The following ITGA5 variants were observed in gnomAD, a reference collection of about 807,000 sequenced individuals.
The protein encoded by ITGA5 is integrin subunit alpha 5, also known as integrin alpha-5.
In ITGA5, 55 loss-of-function variants were observed where a neutral mutation model predicts 146.3. The observed-to-expected ratio is 0.38, with a 90% CI of 0.30 to 0.47. The LOEUF (loss-of-function observed/expected upper bound fraction) is 0.47, where lower values mean the gene tolerates loss of function less well. Among genes scored for constraint, ITGA5 ranks in the 20% least tolerant of loss-of-function variants. ITGA5 has a pLI of 0.99. For synonymous variants in ITGA5, 500 were observed against 531.8 expected, an observed-to-expected ratio of 0.94 and a Z score of 0.82; for missense variants, 1,131 against 1,329.0, an observed-to-expected ratio of 0.85 and a Z score of 2.32.
rs1260111085 is a variant in ITGA5 at position 54,404,871 on chromosome 12, C to A, written c.1249G>T (p.Gly417Cys). ...ACTACTCCCTGCTGGGTCTCCCCACCAAAGGGAGCCCCGATGGCCACATCT... is the reference window on the plus strand; with the variant it reads ...ACTACTCCCTGCTGGGTCTCCCCACAAAAGGGAGCCCCGATGGCCACATCT... Reference protein sequence around the residue: ...YNDVAIGAPFGGETQQGVVFV... With the variant: ...YNDVAIGAPFCGETQQGVVFV... Residue 417 changes from glycine to cysteine, a missense_variant, in exon 13 of 30, where the codon GGT becomes TGT. By Grantham distance (159) the Gly-to-Cys change is radical. Coordinates refer to ENST00000293379, the MANE Select transcript of ITGA5 (RefSeq NM_002205.5). The A allele has an allele frequency of 6.3e-7, 1 of 1,590,068 alleles. No individual in the cohort carries two copies. The highest frequency in any genetic ancestry group is 1.4e-5 in the African/African-American group (1 of 73,770).
At position 54,409,690 on chromosome 12, in the gene ITGA5, G is replaced by T. The variant is rs779732123; in HGVS notation, c.350-93C>A. ...CTCAGCCTGGGGATACCCAACAAAC[G>T]CTTCCAAGCCCTGAGACTCCATGAC... is the stretch of plus-strand genomic sequence containing the variant. On this transcript the variant is annotated intron_variant, in intron 2 of 29. Coordinates refer to ENST00000293379, the MANE Select transcript of ITGA5 (RefSeq NM_002205.5). The surrounding 1 kb of genome is among the most constrained non-coding windows in gnomAD (Gnocchi z 4.7). 3 of 739,924 alleles carry T rather than the reference G, an allele frequency of 4.1e-6. No individual in the cohort carries two copies. The highest frequency in any genetic ancestry group is 6.7e-6 in the Non-Finnish European group (3 of 447,428). 45.8% of individuals were successfully genotyped at this position (739,924 alleles called of 1,614,324 possible).
At chr12:54,400,032 C>G in intron 25 of ITGA5, 85 bp from the exon 26 acceptor site, 1 of 908,108 alleles carries the variant, frequency 1.1e-6, no homozygotes, top group Admixed American at 1.8e-5. Context: ...CAGCTTCAAC[C>G]TATTCTTTCA....
At chr12:54,407,578 A>G in intron 9 of ITGA5, 71 bp downstream of exon 9, 2 of 1,347,424 alleles carry the variant, frequency 1.5e-6, no homozygotes, top group South Asian at 2.3e-5. Context: ...GAGCCCTTGC[A>G]AACTGCCATG....
chr12:54,402,244 T>C lies in ITGA5; in HGVS notation c.2069A>G (p.Glu690Gly). 1 of 1,614,114 alleles carries C rather than the reference T, an allele frequency of 6.2e-7. No individual in the cohort carries two copies. Among genetic ancestry groups the C allele is most frequent in the Non-Finnish European group, 8.5e-7 (1 of 1,180,014 alleles). The change falls in exon 20 of 30, where the codon GAG becomes GGG. Residue 690 changes from glutamate (E) to glycine (G), a missense_variant. Transcript: ENST00000293379. ...AGGGGCGGTGACCCGAAGCTCAGCC[T>C]CATAGGCGCCACCCTCACCCACATT... is the stretch of plus-strand genomic sequence containing the variant. ...AQNVGEGGAY[E>G]AELRVTAPPE...
rs145142637 is a variant in ITGA5, at chr12:54,402,079, C to A, written c.2148G>T (p.Leu716=). ...LVRHPGNFSS[L]SCDYFAVNQS... ...GGTTCACGGCAAAGTAGTCACAGCT[C>A]AGGCTGGAGAAGTTCTGGAGATGGG... The change falls in exon 21 of 30, where the codon CTG becomes CTT. Residue 716 remains leucine, a synonymous_variant. Transcript: ENST00000293379. 4.8e-5 allele frequency: 77 copies of A among 1,614,164 alleles called. 1 individual carries two copies. In the African/African-American group the frequency reaches 9.3e-4, roughly 20 times the overall value.
Position 54,401,762 on chromosome 12 carries a change from C to T in ITGA5, c.2306+14G>A. The T allele has an allele frequency of 6.2e-7, 1 of 1,613,554 alleles. No individual in the cohort carries two copies. Among genetic ancestry groups the T allele is most frequent in the Non-Finnish European group, 8.5e-7 (1 of 1,179,474 alleles). The stretch of plus-strand genomic sequence containing the variant: ...CCCCAGCTCAGCCCCAGCCTAGACA[C>T]ACTCACTCCCTACCTGAGGATCTGG... On this transcript the variant is annotated intron_variant, in intron 22 of 29. Coordinates refer to ENST00000293379, the MANE Select transcript of ITGA5 (RefSeq NM_002205.5). This position sits in a 1 kb window ranked among gnomAD's most constrained non-coding sequence, Gnocchi z 5.0.
chr12:54,404,644 G>A (rs1955837415), intron 13 of ITGA5, 59 bp downstream of exon 13: 1 of 1,524,880 alleles, frequency 6.6e-7, no homozygotes, highest in East Asian at 2.2e-5. Context: ...GCAGAAGAGA[G>A]AGTAGGGGTC....
chr12:54,401,276 T>C lies in ITGA5; in HGVS notation c.2493+97A>G. Reference sequence around the variant, plus strand: ...ATATCACTTACTCCTCCCTCCTCTCTTTCTCTCAGTCCCTCACATGGGTTC... The same window carrying C: ...ATATCACTTACTCCTCCCTCCTCTCCTTCTCTCAGTCCCTCACATGGGTTC... On this transcript the variant is annotated intron_variant, in intron 24 of 29. Transcript: ENST00000293379. The surrounding 1 kb of genome is among the most constrained non-coding windows in gnomAD (Gnocchi z 5.0). The C allele has an allele frequency of 1.0e-6, 1 of 958,284 alleles. No individual in the cohort carries two copies. The highest frequency in any genetic ancestry group is 1.3e-5 in the South Asian group (1 of 74,844). 59.4% of individuals were successfully genotyped at this position (958,284 alleles called of 1,614,324 possible). A position where few individuals can be genotyped will look rare whatever the true frequency, so the allele number is the denominator to read the frequency against.
intron 29 of ITGA5, 86 bp from the exon 30 acceptor site, chr12:54,396,462 T>G (rs1341332284): frequency 1.6e-5 from 17 of 1,058,552 alleles, no homozygotes; most frequent in Non-Finnish European, 2.5e-5. Flanking sequence ...TAAGGAGGAC[T>G]CTAGTGCCTC....
At chr12:54,407,482 T>C in intron 9 of ITGA5, 167 bp downstream of exon 9, 1 of 667,844 alleles carries the variant, frequency 1.5e-6, no homozygotes, top group Non-Finnish European at 2.8e-6. Context: ...AGAGTATGAA[T>C]AAAGAGCAGA....
intron 1 of ITGA5, chr12:54,413,420 T>C (rs11574798): frequency 0.017 from 2,644 of 151,752 alleles, 35 homozygotes; most frequent in Non-Finnish European, 0.026. Flanking sequence ...GGAGAGCTCC[T>C]GAAGTTAGGA....
In ITGA5 at chr12:54,404,890, C is replaced by T. The variant is rs769050792; in HGVS notation, c.1230G>A (p.Val410=). The change falls in exon 13 of 30, where the codon GTG becomes GTA. Residue 410 remains valine, a synonymous_variant. Coordinates refer to ENST00000293379, the MANE Select transcript of ITGA5 (RefSeq NM_002205.5). The part of the protein sequence containing the change: ...GDLDQDGYND[V]AIGAPFGGET... ...CCCCACCAAAGGGAGCCCCGATGGC[C>T]ACATCTGGAAGACACAGAACACACA... 12 of 1,573,348 alleles carry T rather than the reference C, an allele frequency of 7.6e-6. No homozygotes were observed. The South Asian group carries it at 1.4e-4, about 19-fold the overall frequency.
rs1458847352 is a variant in ITGA5 at position 54,409,834 on chromosome 12, G to GCACGCA, written c.350-243_350-238dup. 7.2e-6 allele frequency: 3 copies of GCACGCA among 414,330 alleles called. No homozygotes were observed. The highest frequency in any genetic ancestry group is 1.3e-5 in the Non-Finnish European group (3 of 229,650). 25.7% of individuals were successfully genotyped at this position (414,330 alleles called of 1,614,324 possible). ...TACACACACACACATACATACACAC[G>GCACGCA]CACGCACACGCACACAGAACCTGGG... On this transcript the variant is annotated intron_variant, in intron 2 of 29. Transcript: ENST00000293379. The surrounding 1 kb of genome is among the most constrained non-coding windows in gnomAD (Gnocchi z 4.7).
At chr12:54,410,447 G>A (rs1323000359) in intron 2 of ITGA5, among the ~76,000 whole-genome samples, 1 of 150,696 alleles carries the variant, frequency 6.6e-6, no homozygotes, top group Non-Finnish European at 1.5e-5. Context: ...CTGGGTGCAA[G>A]TGATCCTCCC....
chr12:54,408,289 G>A (rs1955893969), intron 6 of ITGA5, 54 bp from the exon 7 acceptor site: 1 of 1,593,088 alleles, frequency 6.3e-7, no homozygotes, highest in Admixed American at 1.7e-5. Flanking sequence ...GAGGGGGCTT[G>A]GGACTCTGGG....
Position 54,403,229 on chromosome 12 carries a change from C to T in ITGA5, c.1872G>A (p.Arg624=), listed in dbSNP as rs1199212589. ...TCTTGCTCTGATAATGTAGGGCTGG[C>T]CTGAGGCCGTGGCTGTCCACTGGGG... is the stretch of plus-strand genomic sequence containing the variant. ...PQAPVDSHGL[R]PALHYQSKSR... The change falls in exon 18 of 30, where the codon AGG becomes AGA. Residue 624 remains arginine, a synonymous_variant. Coordinates refer to ENST00000293379, the MANE Select transcript of ITGA5 (RefSeq NM_002205.5). The surrounding 1 kb of genome is among the most constrained non-coding windows in gnomAD (Gnocchi z 4.9). The T allele has an allele frequency of 1.3e-6, 2 of 1,569,290 alleles. No individual in the cohort carries two copies. The highest frequency in any genetic ancestry group is 1.7e-6 in the Non-Finnish European group (2 of 1,159,222).
intron 25 of ITGA5, 21 bp from the exon 26 acceptor site, chr12:54,399,968 C>T (rs774013713): frequency 1.9e-6 from 3 of 1,584,732 alleles, no homozygotes; most frequent in East Asian, 4.5e-5. Context: ...AAGTGTTGGG[C>T]CCCTTTCCCA....
At position 54,401,754 on chromosome 12, in the gene ITGA5, C is replaced by A; in HGVS notation, c.2306+22G>T. The A allele has an allele frequency of 5.0e-6, 8 of 1,613,410 alleles. No individual in the cohort carries two copies. The highest frequency in any genetic ancestry group is 6.8e-6 in the Non-Finnish European group (8 of 1,179,350). The stretch of plus-strand genomic sequence containing the variant: ...CCTTCCGTCCCCAGCTCAGCCCCAG[C>A]CTAGACACACTCACTCCCTACCTGA... On this transcript the variant is annotated intron_variant, in intron 22 of 29. Coordinates refer to ENST00000293379, the MANE Select transcript of ITGA5 (RefSeq NM_002205.5). This position sits in a 1 kb window ranked among gnomAD's most constrained non-coding sequence, Gnocchi z 5.0.
chr12:54,397,181 C>A, intron 29 of ITGA5, 184 bp downstream of exon 29: 1 of 530,040 alleles, frequency 1.9e-6, no homozygotes, highest in South Asian at 3.0e-5. Flanking sequence ...CCTTTCTAAG[C>A]TAGGGGCTAT....
Sources: allele counts gnomAD v4.1 joint callset (sites outside exome capture counted in the v4.1 genomes callset), GRCh38; gene constraint gnomAD v4.1.1; non-coding constraint Gnocchi (gnomAD v3.1); transcripts MANE v1.5; gene names NCBI Gene and HGNC (gene_info 2026-07-23, HGNC 2026-07-21).